The following ERI3 variants were observed in gnomAD, a reference collection of about 807,000 sequenced individuals.
ERI3 encodes ERI1 exoribonuclease 3.
ERI3 carries 18 observed loss-of-function variants against 44.4 expected under a neutral mutation model. The observed-to-expected ratio is 0.41, with a 90% CI of 0.28 to 0.60. The LOEUF is 0.60. ERI3 is among the 20% of genes least tolerant of loss of function. The probability of loss-of-function intolerance (pLI) is 0.36; values close to 1 mark genes in which losing one functional copy is unlikely to be tolerated. For missense variants in ERI3, 294 were observed against 435.5 expected (o/e 0.68, Z 2.89); for synonymous variants, 183 against 164.8 (o/e 1.11, Z -0.84).
intron 7 of ERI3, among the ~76,000 whole-genome samples, chr1:44,282,363 A>T (rs948702431): frequency 1.3e-5 from 2 of 152,086 alleles, no homozygotes; most frequent in Non-Finnish European, 2.9e-5. Flanking sequence ...GAAGAAAGGG[A>T]AGGGGGAAAC....
rs1438158927 is a variant in ERI3, at chr1:44,235,738, C to G, written c.931+12201G>C. ...GTTCCCTTCTAGCATCTTGGTTTCC[C>G]CAGGACTTCACTGTGCCAGGAGACT... On this transcript the variant is annotated intron_variant, in intron 8 of 8. Transcript: ENST00000372257. This position sits in a 1 kb window ranked among gnomAD's most constrained non-coding sequence, Gnocchi z 4.6. Among the ~76,000 whole-genome samples, 1 of 152,130 alleles carries G rather than the reference C, an allele frequency of 6.6e-6. No homozygotes were observed. Among genetic ancestry groups the G allele is most frequent in the African/African-American group, 2.4e-5 (1 of 41,426 alleles).
Position 44,352,911 on chromosome 1 carries a change from T to C in ERI3, c.150A>G (p.Pro50=), listed in dbSNP as rs989801102. ...WGQHPGHWGF[P]ALTEPSASPA... Reference sequence around the variant, plus strand: ...GGGATGCTGAAGGTTCTGTGAGAGCTGGAAAGCCCCAATGCTGTGGATAAA... The same window carrying C: ...GGGATGCTGAAGGTTCTGTGAGAGCCGGAAAGCCCCAATGCTGTGGATAAA... Residue 50 remains proline, a synonymous_variant, in exon 2 of 9, where the codon CCA becomes CCG. Transcript: ENST00000372257. 6.2e-7 allele frequency: 1 copy of C among 1,614,194 alleles called. No homozygotes were observed.
intron 6 of ERI3, among the ~76,000 whole-genome samples, chr1:44,289,149 A>G (rs1454134916): frequency 1.3e-5 from 2 of 152,214 alleles, no homozygotes; most frequent in Non-Finnish European, 2.9e-5. Flanking sequence ...CTGATGGCCA[A>G]TAGAAAAGAG....
chr1:44,221,359 T>C lies in ERI3; in HGVS notation c.*199A>G, dbSNP rs1252536093. ...AGGGGTGGGGATGGGGGGCACAAAG[T>C]GTCTGCTCCAGAAGGGCCAAGTGGC... On this transcript the variant is annotated 3_prime_UTR_variant, in exon 9 of 9. Coordinates refer to ENST00000372257, the MANE Select transcript of ERI3 (RefSeq NM_024066.3). The surrounding 1 kb of genome is among the most constrained non-coding windows in gnomAD (Gnocchi z 5.9). 1.7e-6 allele frequency: 1 copy of C among 571,556 alleles called. No homozygotes were observed. The highest frequency in any genetic ancestry group is 2.1e-5 in the South Asian group (1 of 47,248). 35.4% of individuals were successfully genotyped at this position (571,556 alleles called of 1,614,324 possible). A position where few individuals can be genotyped will look rare whatever the true frequency, so the allele number is the denominator to read the frequency against.
At position 44,355,013 on chromosome 1, in the gene ERI3, G is replaced by A; in HGVS notation, c.14C>T (p.Ser5Phe). 2 of 1,389,930 alleles carry A rather than the reference G, an allele frequency of 1.4e-6. No homozygotes were observed. Among genetic ancestry groups the A allele is most frequent in the African/African-American group, 3.0e-5 (2 of 67,012 alleles). The allele number at this position is 1,389,930 out of a possible 1,614,324, so 86.1% of individuals were successfully genotyped here. MATASPAADGGRGRP... is the reference protein window; with the variant it reads MATAFPAADGGRGRP... ...CCCCCGCCCCCCGTCAGCAGCGGGA[G>A]AGGCTGTCGCCATGGCAACGCCCCC... The change falls in exon 1 of 9, where the codon TCT becomes TTT. Residue 5 changes from serine to phenylalanine, a missense_variant. Around this residue, in one of 2 missense-constraint regions of ERI3, gnomAD observed 107 missense variants for 96.9 expected, o/e 1.10. Coordinates refer to ENST00000372257, the MANE Select transcript of ERI3 (RefSeq NM_024066.3).
At chr1:44,322,470 T>A (rs1424146948) in intron 3 of ERI3, among the ~76,000 whole-genome samples, 1 of 151,988 alleles carries the variant, frequency 6.6e-6, no homozygotes, top group Non-Finnish European at 1.5e-5. Context: ...TTGGGCCTAT[T>A]ATAAACATAT....
At chr1:44,294,959 GACCTCCGCTCTCATATAGGT>G (rs997855372) in intron 6 of ERI3, among the ~76,000 whole-genome samples, 8 of 152,178 alleles carry the variant, frequency 5.3e-5, no homozygotes, top group Non-Finnish European at 1.2e-4. Context: ...GTTGCAGTCT[GACCTCCGCTCTCATATAGGT>G]ACTCAAGACA....
intron 2 of ERI3, among the ~76,000 whole-genome samples, chr1:44,350,627 G>A (rs775276022): frequency 2.6e-5 from 4 of 152,034 alleles, no homozygotes; most frequent in Non-Finnish European, 5.9e-5. Context: ...ATAGAAGCCA[G>A]TATCTCCAAC....
chr1:44,227,386 C>T (rs1284515235), intron 8 of ERI3, among the ~76,000 whole-genome samples: 1 of 151,992 alleles, frequency 6.6e-6, no homozygotes, highest in Non-Finnish European at 1.5e-5. Flanking sequence ...ACAGCAGGAT[C>T]CTTGGGTGTG....
chr1:44,226,723 G>A (rs1221882693), intron 8 of ERI3, among the ~76,000 whole-genome samples: 2 of 148,414 alleles, frequency 1.3e-5, no homozygotes, highest in African/African-American at 2.5e-5. Context: ...AATTTGTCAG[G>A]CATTTCTTTA....
At chr1:44,341,866 G>A (rs1315344120) in intron 2 of ERI3, among the ~76,000 whole-genome samples, 4 of 152,070 alleles carry the variant, frequency 2.6e-5, no homozygotes, top group African/African-American at 7.2e-5. Context: ...CTCCAGTCTG[G>A]GTGACAGAGC....
At chr1:44,302,298 A>G (rs1355897658) in intron 6 of ERI3, among the ~76,000 whole-genome samples, 1 of 152,250 alleles carries the variant, frequency 6.6e-6, no homozygotes, top group Non-Finnish European at 1.5e-5. Flanking sequence ...TAATTAGTTC[A>G]GGAGGGGAGC....
Position 44,338,974 on chromosome 1 carries a change from C to T in ERI3, c.489+71G>A, listed in dbSNP as rs1253459912. On this transcript the variant is annotated intron_variant, in intron 3 of 8. Coordinates refer to ENST00000372257, the MANE Select transcript of ERI3 (RefSeq NM_024066.3). Reference sequence around the variant, plus strand: ...GGCATGAGAAAGCTCCTTTGTGTCCCAGGAAGCAAAACTATCCTCCCTCCC... The same window carrying T: ...GGCATGAGAAAGCTCCTTTGTGTCCTAGGAAGCAAAACTATCCTCCCTCCC... 2.6e-6 allele frequency: 4 copies of T among 1,549,576 alleles called. No individual in the cohort carries two copies. In the East Asian group the frequency reaches 9.0e-5, roughly 35 times the overall value.
At chr1:44,305,402 G>A (rs1645811256) in intron 6 of ERI3, among the ~76,000 whole-genome samples, 2 of 152,182 alleles carry the variant, frequency 1.3e-5, no homozygotes, top group Admixed American at 1.3e-4. Flanking sequence ...GAAGCTTCAA[G>A]AAACACCAAG....
chr1:44,286,671 G>A (rs1645400575), intron 6 of ERI3, among the ~76,000 whole-genome samples: 1 of 152,064 alleles, frequency 6.6e-6, no homozygotes, highest in African/African-American at 2.4e-5. Flanking sequence ...TTCATGAAGC[G>A]GCCAGATCTA....
At chr1:44,300,729 G>T (rs995807210) in intron 6 of ERI3, among the ~76,000 whole-genome samples, 15 of 152,176 alleles carry the variant, frequency 9.9e-5, no homozygotes, top group Non-Finnish European at 1.5e-4. Context: ...TGGGCCCGGG[G>T]ACATGTGCAG....
intron 3 of ERI3, among the ~76,000 whole-genome samples, chr1:44,327,210 C>A (rs1352524086): frequency 6.6e-6 from 1 of 152,150 alleles, no homozygotes; most frequent in Non-Finnish European, 1.5e-5. Flanking sequence ...CCCCTGGAGG[C>A]ATCACTAAGG....
chr1:44,287,047 G>C (rs571273345), intron 6 of ERI3, among the ~76,000 whole-genome samples: 1 of 152,274 alleles, frequency 6.6e-6, no homozygotes, highest in South Asian at 2.1e-4. Flanking sequence ...CCTAAACTGT[G>C]ATAAAAGCAT....
At chr1:44,313,686 C>T (rs1477434185) in intron 4 of ERI3, among the ~76,000 whole-genome samples, 1 of 152,036 alleles carries the variant, frequency 6.6e-6, no homozygotes, top group Non-Finnish European at 1.5e-5. Context: ...GTTTCAAGTC[C>T]ACCCCTTCTC....
Sources: allele counts gnomAD v4.1 joint callset (sites outside exome capture counted in the v4.1 genomes callset), GRCh38; gene constraint gnomAD v4.1.1; regional missense constraint gnomAD v4.1.1; non-coding constraint Gnocchi (gnomAD v3.1); transcripts MANE v1.5; gene names NCBI Gene and HGNC (gene_info 2026-07-23, HGNC 2026-07-21).